The following KPNA7 variants were observed in gnomAD, a reference collection of about 807,000 sequenced individuals.
The protein encoded by KPNA7 is importin subunit alpha-8.
Under a neutral mutation model 53.7 loss-of-function variants are expected in KPNA7, and 54 were observed. The ratio of observed to expected loss-of-function variants is 1.01; its 90% CI spans 0.81 to 1.26. The LOEUF is 1.26. KPNA7 is among the 50% of genes most tolerant of loss of function. KPNA7 has a pLI of 0.00. For missense variants in KPNA7, 640 were observed against 644.5 expected (o/e 0.99, Z 0.07); for synonymous variants, 276 against 259.3 (o/e 1.06, Z -0.62).
the KPNA7 span, among the ~76,000 whole-genome samples, chr7:99,160,316 C>T: frequency 8.5e-5 from 13 of 152,150 alleles, no homozygotes; most frequent in South Asian, 1.2e-3. Flanking sequence ...GTGAGCCACG[C>T]ACCCGGCCTC....
At chr7:99,158,299 T>A in the KPNA7 span, among the ~76,000 whole-genome samples, 1 of 152,154 alleles carries the variant, frequency 6.6e-6, no homozygotes, top group African/African-American at 2.4e-5. Context: ...TCAGTTTTCT[T>A]CTGTTTGGGG....
At chr7:99,193,409 T>C (rs903655913) in intron 5 of KPNA7, among the ~76,000 whole-genome samples, 3 of 152,214 alleles carry the variant, frequency 2.0e-5, no homozygotes, top group African/African-American at 4.8e-5. Flanking sequence ...CCAGACCAAG[T>C]TGTCTTCCCA....
At chr7:99,155,677 C>T in the KPNA7 span, among the ~76,000 whole-genome samples, 80 of 152,100 alleles carry the variant, frequency 5.3e-4, no homozygotes, top group African/African-American at 1.8e-3. Context: ...CCTCCCACCT[C>T]AGCCTCCTGA....
intron 3 of KPNA7, among the ~76,000 whole-genome samples, chr7:99,202,029 C>T (rs915028296): frequency 6.6e-6 from 1 of 151,982 alleles, no homozygotes; most frequent in South Asian, 2.1e-4. Flanking sequence ...TTGTTTTATA[C>T]CATCCTTGGA....
chr7:99,204,960 G>A (rs1239713502), intron 2 of KPNA7, among the ~76,000 whole-genome samples: 1 of 152,178 alleles, frequency 6.6e-6, no homozygotes, highest in Non-Finnish European at 1.5e-5. Flanking sequence ...TTGCCCCATC[G>A]CTAGGCAGTT....
At chr7:99,187,638 C>G (rs1789668748) in intron 7 of KPNA7, among the ~76,000 whole-genome samples, 1 of 150,472 alleles carries the variant, frequency 6.6e-6, no homozygotes, top group South Asian at 2.1e-4. Flanking sequence ...ACTGCAACCT[C>G]CACCTCCTGG....
At chr7:99,182,280 C>A (rs1018674018) in intron 8 of KPNA7, among the ~76,000 whole-genome samples, 12 of 152,198 alleles carry the variant, frequency 7.9e-5, no homozygotes, top group African/African-American at 2.4e-5. Context: ...TCACTGCAAT[C>A]TCCGCCTCCC....
At chr7:99,150,326 C>T in the KPNA7 span, among the ~76,000 whole-genome samples, 1 of 151,968 alleles carries the variant, frequency 6.6e-6, no homozygotes, top group Non-Finnish European at 1.5e-5. Flanking sequence ...GAACTCTTGA[C>T]CTCAAGTGAT....
chr7:99,174,259 T>C (rs982206539), intron 10 of KPNA7, among the ~76,000 whole-genome samples: 2 of 151,270 alleles, frequency 1.3e-5, no homozygotes, highest in African/African-American at 4.8e-5. Flanking sequence ...GAGAATCTAG[T>C]GCCTGATGAT....
chr7:99,150,967 C>A, the KPNA7 span, among the ~76,000 whole-genome samples: 1 of 152,170 alleles, frequency 6.6e-6, no homozygotes, highest in Non-Finnish European at 1.5e-5. Flanking sequence ...TTCAATGTGA[C>A]AAAGATTCCC....
the KPNA7 span, among the ~76,000 whole-genome samples, chr7:99,157,252 C>G: frequency 1.3e-5 from 2 of 152,134 alleles, no homozygotes; most frequent in Non-Finnish European, 2.9e-5. Context: ...TCTTGTTGCC[C>G]AGGCTGGAGT....
At chr7:99,175,201 G>A (rs1373754856) in intron 10 of KPNA7, among the ~76,000 whole-genome samples, 1 of 152,084 alleles carries the variant, frequency 6.6e-6, no homozygotes, top group Non-Finnish European at 1.5e-5. Flanking sequence ...GGTCTCCTTT[G>A]AGAGCATTTT....
the KPNA7 span, among the ~76,000 whole-genome samples, chr7:99,154,259 G>A: frequency 6.6e-6 from 1 of 151,316 alleles, no homozygotes; most frequent in Non-Finnish European, 1.5e-5. Flanking sequence ...CTCCCGAGTA[G>A]CTAGGACTAC....
At chr7:99,215,023 C>G in intron 1 of KPNA7, among the ~76,000 whole-genome samples, 1 of 152,030 alleles carries the variant, frequency 6.6e-6, no homozygotes. Flanking sequence ...AGACAGCACT[C>G]AGCTCTAAGA....
chr7:99,177,845 C>T, intron 10 of KPNA7, 75 bp downstream of exon 10: 1 of 1,481,230 alleles, frequency 6.8e-7, no homozygotes, highest in Non-Finnish European at 9.1e-7. Context: ...CAGCCCAGGC[C>T]CCGGCAGGGT....
upstream of KPNA7, among the ~76,000 whole-genome samples, chr7:99,209,161 AAG>A (rs973580335): frequency 2.0e-5 from 3 of 151,928 alleles, no homozygotes; most frequent in Non-Finnish European, 4.4e-5. Flanking sequence ...CAAAAAGAAA[AAG>A]AAAAGAAGGC....
chr7:99,146,745 AAAAC>A, the KPNA7 span, among the ~76,000 whole-genome samples: 12 of 126,276 alleles, frequency 9.5e-5, no homozygotes, highest in African/African-American at 3.6e-4. Flanking sequence ...AAAAAAAAAA[AAAAC>A]AACGGAAAAT....
At chr7:99,185,300 T>C (rs749208561) in intron 7 of KPNA7, 138 bp from the exon 8 acceptor site, 3 of 654,550 alleles carry the variant, frequency 4.6e-6, no homozygotes, top group Admixed American at 3.0e-5. Context: ...ACAGGAATTG[T>C]ATCTGTGATC....
chr7:99,174,420 G>A (rs1350490859), intron 10 of KPNA7, among the ~76,000 whole-genome samples: 1 of 152,096 alleles, frequency 6.6e-6, no homozygotes, highest in Non-Finnish European at 1.5e-5. Flanking sequence ...TAAATGTAAT[G>A]CTCTTGAATC....
Sources: gnomAD v4.1 joint callset for allele counts (sites outside exome capture counted in the v4.1 genomes callset) on GRCh38, gnomAD v4.1.1 for gene constraint, MANE v1.5 for transcripts, NCBI Gene and HGNC (gene_info 2026-07-23, HGNC 2026-07-21) for gene names.